SV2B: variants seen among roughly 807,000 people sequenced by gnomAD.
SV2B encodes the protein synaptic vesicle glycoprotein 2B.
Under a neutral mutation model 73.9 loss-of-function variants are expected in SV2B, and 41 were observed. The observed-to-expected ratio is 0.56, with a 90% CI of 0.43 to 0.72. The LOEUF (loss-of-function observed/expected upper bound fraction) is 0.72, where lower values mean the gene tolerates loss of function less well. Among genes scored for constraint, SV2B ranks in the 30% least tolerant of loss-of-function variants. SV2B has a pLI of 0.00. For missense variants in SV2B, 764 were observed against 857.8 expected (o/e 0.89, Z 1.37); for synonymous variants, 314 against 314.2 (o/e 1.00, Z 0.01).
intron 1 of SV2B, among the ~76,000 whole-genome samples, chr15:91,163,198 T>C (rs569891730): frequency 6.6e-6 from 1 of 152,374 alleles, no homozygotes; most frequent in East Asian, 1.9e-4. Flanking sequence ...AAGTCTTTGC[T>C]ATTGTGAATA....
chr15:91,266,727 T>C, intron 7 of SV2B, 35 bp downstream of exon 7: 1 of 1,525,744 alleles, frequency 6.6e-7, no homozygotes, highest in Non-Finnish European at 9.1e-7. Flanking sequence ...TGAGGATGCG[T>C]CTCTATGGGA....
At chr15:91,113,081 C>T (rs748738966) in intron 1 of SV2B, among the ~76,000 whole-genome samples, 11 of 152,164 alleles carry the variant, frequency 7.2e-5, no homozygotes, top group Non-Finnish European at 1.3e-4. Context: ...GTGCTCTCAC[C>T]TTGGCCTCTC....
intron 1 of SV2B, among the ~76,000 whole-genome samples, chr15:91,144,158 T>C (rs2043079245): frequency 6.6e-6 from 1 of 152,240 alleles, no homozygotes; most frequent in Non-Finnish European, 1.5e-5. Context: ...AGCCAGATAA[T>C]GTTTATACAC....
intron 1 of SV2B, among the ~76,000 whole-genome samples, chr15:91,163,908 A>T (rs890094569): frequency 1.2e-4 from 18 of 152,162 alleles, no homozygotes; most frequent in African/African-American, 4.3e-4. Context: ...TCTAACATTT[A>T]AGTCTTTAAT....
At chr15:91,163,535 T>C (rs1488097200) in intron 1 of SV2B, among the ~76,000 whole-genome samples, 2 of 152,254 alleles carry the variant, frequency 1.3e-5, no homozygotes, top group South Asian at 2.1e-4. Context: ...CATTTTTTCA[T>C]GTGTCTGTTG....
Position 91,261,979 on chromosome 15 carries a change from A to G in SV2B, c.1008+1570A>G, listed in dbSNP as rs1021052060. ...AACCTTCCTGGAGTAACTCCTACCT[A>G]ACTTTGATTCACTGCTTTTATTTTT... On this transcript the variant is annotated intron_variant, in intron 6 of 12. Coordinates refer to ENST00000394232, the MANE Select transcript of SV2B (RefSeq NM_001323032.3). This position sits in a 1 kb window ranked among gnomAD's most constrained non-coding sequence, Gnocchi z 4.7. Among the ~76,000 whole-genome samples, 5 of 152,150 alleles carry G rather than the reference A, an allele frequency of 3.3e-5. No homozygotes were observed. Among genetic ancestry groups the G allele is most frequent in the Non-Finnish European group, 5.9e-5 (4 of 68,016 alleles).
intron 1 of SV2B, among the ~76,000 whole-genome samples, chr15:91,202,466 T>C (rs1175038685): frequency 1.3e-5 from 2 of 152,268 alleles, no homozygotes; most frequent in East Asian, 3.8e-4. Context: ...CAAGATCTCC[T>C]AAGACCACCT....
At chr15:91,116,699 A>G (rs565247484) in intron 1 of SV2B, among the ~76,000 whole-genome samples, 84 of 152,248 alleles carry the variant, frequency 5.5e-4, no homozygotes, top group African/African-American at 2.0e-3. Flanking sequence ...CTGATAGGGA[A>G]CTCATAAACG....
rs1012097858 is a variant in SV2B at position 91,247,526 on chromosome 15, G to C, written c.452-4293G>C. Among the ~76,000 whole-genome samples the C allele has an allele frequency of 3.3e-5, 5 of 152,202 alleles. No homozygotes were observed. The East Asian group carries it at 9.6e-4, about 29-fold the overall frequency. On this transcript the variant is annotated intron_variant, in intron 2 of 12. Coordinates refer to ENST00000394232, the MANE Select transcript of SV2B (RefSeq NM_001323032.3). Reference sequence around the variant, plus strand: ...TAGGGCTTGGAGAATAAAGGAAAGAGATTGGAATGATTATAACTTAGAATC... The same window carrying C: ...TAGGGCTTGGAGAATAAAGGAAAGACATTGGAATGATTATAACTTAGAATC...
In SV2B at chr15:91,294,275, C is replaced by T. The variant is rs1021297792; in HGVS notation, c.*1723C>T. The T allele has an allele frequency of 3.3e-5, 5 of 152,142 alleles. No individual in the cohort carries two copies. The highest frequency in any genetic ancestry group is 1.2e-4 in the African/African-American group (5 of 41,418). The allele number at this position is 152,142 out of a possible 1,614,324, so 9.4% of individuals were successfully genotyped here. A position where few individuals can be genotyped will look rare whatever the true frequency, so the allele number is the denominator to read the frequency against. On this transcript the variant is annotated 3_prime_UTR_variant, in exon 13 of 13. Transcript: ENST00000394232. The surrounding 1 kb of genome is among the most constrained non-coding windows in gnomAD (Gnocchi z 4.1). ...TCTTTCTGTAATTTTCCTCAATTAA[C>T]GGGTTGGTAGGGGTAAATCTTATGA...
rs981045600 is a variant in SV2B, at chr15:91,236,677, T to C, written c.451+9963T>C. 2.6e-5 allele frequency among the ~76,000 whole-genome samples: 4 copies of C among 152,152 alleles called. No individual in the cohort carries two copies. The highest frequency in any genetic ancestry group is 7.2e-5 in the African/African-American group (3 of 41,442). On this transcript the variant is annotated intron_variant, in intron 2 of 12. Transcript: ENST00000394232. This position sits in a 1 kb window ranked among gnomAD's most constrained non-coding sequence, Gnocchi z 4.1. ...CATATCAAACAAGCAAGCAAACATA[T>C]ACTCCCCGTAGAACCAAAACCTCCA...
rs373787506 is a variant in SV2B, at chr15:91,110,355, C to G, written c.-392+9992C>G. ...GAAAACGGGGTGTGGGTCCCCTACA[C>G]TGTCATGCTTAGAAACCCTCTGAAA... On this transcript the variant is annotated intron_variant, in intron 1 of 12. Transcript: ENST00000394232. The surrounding 1 kb of genome is among the most constrained non-coding windows in gnomAD (Gnocchi z 5.4). 7.9e-5 allele frequency among the ~76,000 whole-genome samples: 12 copies of G among 152,268 alleles called. No homozygotes were observed. The East Asian group carries it at 1.9e-3, about 24-fold the overall frequency.
intron 1 of SV2B, among the ~76,000 whole-genome samples, chr15:91,153,078 G>A (rs142481249): frequency 1.3e-5 from 2 of 152,160 alleles, no homozygotes; most frequent in African/African-American, 2.4e-5. Flanking sequence ...ATGCAGAAGG[G>A]CTAAAGGGAT....
chr15:91,171,605 G>A (rs529005989), intron 1 of SV2B, among the ~76,000 whole-genome samples: 17 of 152,308 alleles, frequency 1.1e-4, no homozygotes, highest in African/African-American at 4.1e-4. Flanking sequence ...GGGTCTCAGA[G>A]ACCGTGCCTA....
chr15:91,292,659 A>G lies in SV2B; in HGVS notation c.*107A>G. On this transcript the variant is annotated 3_prime_UTR_variant, in exon 13 of 13. Coordinates refer to ENST00000394232, the MANE Select transcript of SV2B (RefSeq NM_001323032.3). ...CGGAGGACACCTTGGATAGCACGGG[A>G]GGAGAAGTTGACTTTGTGACCCCTA... 1 of 1,373,098 alleles carries G rather than the reference A, an allele frequency of 7.3e-7. No homozygotes were observed. The highest frequency in any genetic ancestry group is 2.5e-5 in the East Asian group (1 of 40,704). The allele number at this position is 1,373,098 out of a possible 1,614,324, so 85.1% of individuals were successfully genotyped here.
Position 91,267,495 on chromosome 15 carries a change from TG to T in SV2B, c.1120-57del. On this transcript the variant is annotated intron_variant, in intron 7 of 12. Coordinates refer to ENST00000394232, the MANE Select transcript of SV2B (RefSeq NM_001323032.3). The surrounding 1 kb of genome is among the most constrained non-coding windows in gnomAD (Gnocchi z 4.3). ...GAATATCTGAGTAATGAGCTCTTCG[TG>T]GGAGAAACAAAGTCACACATTGCTT... is the stretch of plus-strand genomic sequence containing the variant. 6.9e-7 allele frequency: 1 copy of T among 1,448,988 alleles called. No individual in the cohort carries two copies. Among genetic ancestry groups the T allele is most frequent in the Non-Finnish European group, 9.6e-7 (1 of 1,037,766 alleles). 89.8% of individuals were successfully genotyped at this position (1,448,988 alleles called of 1,614,324 possible).
chr15:91,173,228 G>T (rs1002098145), intron 1 of SV2B, among the ~76,000 whole-genome samples: 1 of 152,120 alleles, frequency 6.6e-6, no homozygotes, highest in Admixed American at 6.5e-5. Context: ...GTACGAGCGC[G>T]GTGTGTCTGA....
chr15:91,259,952 G>C (rs929724947), intron 5 of SV2B, among the ~76,000 whole-genome samples: 2 of 152,054 alleles, frequency 1.3e-5, no homozygotes, highest in African/African-American at 4.8e-5. Flanking sequence ...TTTTTGGGGG[G>C]ACACAATTCA....
intron 2 of SV2B, among the ~76,000 whole-genome samples, chr15:91,247,769 C>T (rs1567389063): frequency 6.6e-6 from 1 of 152,152 alleles, no homozygotes; most frequent in Non-Finnish European, 1.5e-5. Flanking sequence ...CTCCCTCTAG[C>T]GCCCTCTATT....
Sources: allele counts gnomAD v4.1 joint callset (sites outside exome capture counted in the v4.1 genomes callset), GRCh38; gene constraint gnomAD v4.1.1; non-coding constraint Gnocchi (gnomAD v3.1); transcripts MANE v1.5; gene names NCBI Gene and HGNC (gene_info 2026-07-23, HGNC 2026-07-21).